AFAP1: variants seen among roughly 807,000 people sequenced by gnomAD.
AFAP1 encodes the protein actin filament associated protein 1.
AFAP1 carries 75 observed loss-of-function variants against 93.9 expected under a neutral mutation model. The ratio of observed to expected loss-of-function variants is 0.80; its 90% CI spans 0.66 to 0.97. The LOEUF is 0.97. AFAP1 is among the 50% of genes least tolerant of loss of function. The pLI is 0.00. For missense variants in AFAP1, 1,201 were observed against 1,050.8 expected (o/e 1.14, Z -1.98); for synonymous variants, 517 against 430.7 (o/e 1.20, Z -2.48).
intron 6 of AFAP1, among the ~76,000 whole-genome samples, chr4:7,833,589 C>CTT (rs33990733): frequency 0.42 from 55,197 of 131,642 alleles, 12,254 homozygotes; most frequent in African/African-American, 0.5. Flanking sequence ...GTGGAGATGT[C>CTT]TTTTTTTTTT....
At chr4:7,938,543 G>A (rs1577375542) in intron 1 of AFAP1, among the ~76,000 whole-genome samples, 1 of 152,106 alleles carries the variant, frequency 6.6e-6, no homozygotes, top group East Asian at 1.9e-4. Flanking sequence ...TGAGGTCGGA[G>A]TCTCCCCACC....
chr4:7,830,837 G>A (rs1166770849), intron 6 of AFAP1, among the ~76,000 whole-genome samples: 1 of 152,064 alleles, frequency 6.6e-6, no homozygotes, highest in Non-Finnish European at 1.5e-5. Flanking sequence ...TTGAACTCCT[G>A]GCCTCAAGTG....
intron 1 of AFAP1, among the ~76,000 whole-genome samples, chr4:7,888,688 G>A (rs1007478810): frequency 6.6e-6 from 1 of 152,166 alleles, no homozygotes; most frequent in African/African-American, 2.4e-5. Context: ...GAAAATTAAA[G>A]GGAAGGGCCA....
intron 16 of AFAP1, among the ~76,000 whole-genome samples, chr4:7,770,814 G>A (rs868400151): frequency 4.9e-4 from 74 of 152,144 alleles, no homozygotes; most frequent in Admixed American, 1.6e-3. Context: ...CACCCTCCAC[G>A]CAGGACAAAA....
chr4:7,825,680 G>A (rs1269297160), intron 6 of AFAP1, among the ~76,000 whole-genome samples: 1 of 151,926 alleles, frequency 6.6e-6, no homozygotes, highest in East Asian at 1.9e-4. Flanking sequence ...TCAGGAAGTT[G>A]CGATAATTAC....
chr4:7,823,586 C>A (rs545954325), intron 6 of AFAP1, among the ~76,000 whole-genome samples: 15 of 152,344 alleles, frequency 9.8e-5, no homozygotes, highest in Admixed American at 8.5e-4. Flanking sequence ...CTCCTGTTCC[C>A]ATCAGCTCCG....
chr4:7,842,943 C>A, intron 5 of AFAP1, 196 bp downstream of exon 5: 1 of 586,908 alleles, frequency 1.7e-6, no homozygotes, highest in Non-Finnish European at 3.0e-6. Context: ...CAACCTTGAA[C>A]ACACAACACG....
At chr4:7,840,400 C>T (rs1450023434) in intron 5 of AFAP1, among the ~76,000 whole-genome samples, 1 of 151,812 alleles carries the variant, frequency 6.6e-6, no homozygotes, top group African/African-American at 2.4e-5. Flanking sequence ...TGCAACCTCC[C>T]CCTCCTGGGT....
chr4:7,891,773 G>A (rs543873422), intron 1 of AFAP1, among the ~76,000 whole-genome samples: 72 of 149,158 alleles, frequency 4.8e-4, no homozygotes, highest in African/African-American at 1.7e-3. Context: ...AAAAGGCCGG[G>A]CGTGGTGGCT....
intron 11 of AFAP1, among the ~76,000 whole-genome samples, chr4:7,787,009 A>G (rs1391354995): frequency 6.6e-6 from 1 of 152,218 alleles, no homozygotes; most frequent in Non-Finnish European, 1.5e-5. Context: ...GCGGCCCGAG[A>G]AATCCTTTAG....
intron 1 of AFAP1, among the ~76,000 whole-genome samples, chr4:7,876,385 G>A (rs945207749): frequency 1.6e-4 from 24 of 152,200 alleles, no homozygotes; most frequent in South Asian, 2.1e-4. Flanking sequence ...TTAATTGGAC[G>A]GCCGGATTCC....
chr4:7,884,426 A>AG (rs1437686343), intron 1 of AFAP1, among the ~76,000 whole-genome samples: 1 of 152,228 alleles, frequency 6.6e-6, no homozygotes, highest in African/African-American at 2.4e-5. Context: ...GAGATGTCTA[A>AG]GAACAATGAA....
chr4:7,819,184 C>G lies in AFAP1; in HGVS notation c.727-13G>C. On this transcript the variant is annotated splice_polypyrimidine_tract_variant and intron_variant, in intron 6 of 17. Transcript: ENST00000420658. ...CTTCTTTGATCACCTATAAAAAGCA[C>G]AGACACTTTGTGAGTATGCCCAAAG... The G allele has an allele frequency of 6.2e-7, 1 of 1,602,590 alleles. No individual in the cohort carries two copies. The highest frequency in any genetic ancestry group is 8.5e-7 in the Non-Finnish European group (1 of 1,174,928).
At chr4:7,819,243 T>C (rs1231996767) in intron 6 of AFAP1, 72 bp from the exon 7 acceptor site, 4 of 1,371,716 alleles carry the variant, frequency 2.9e-6, no homozygotes, top group Non-Finnish European at 4.0e-6. Context: ...CTGTGAGTTG[T>C]ACAGACAGAG....
chr4:7,925,252 G>A (rs1024401392), intron 1 of AFAP1, among the ~76,000 whole-genome samples: 2 of 152,274 alleles, frequency 1.3e-5, no homozygotes, highest in Admixed American at 1.3e-4. Flanking sequence ...TTCCAAGCCT[G>A]GAGAGACCAT....
chr4:7,908,251 A>T lies in AFAP1; in HGVS notation c.-3+31405T>A, dbSNP rs114815153. Among the ~76,000 whole-genome samples, 1,038 of 152,184 alleles carry T rather than the reference A, an allele frequency of 6.8e-3. 8 individuals are homozygous for T. Among genetic ancestry groups the T allele is most frequent in the African/African-American group, 0.022 (927 of 41,520 alleles). On this transcript the variant is annotated intron_variant, in intron 1 of 17. Coordinates refer to ENST00000420658, the MANE Select transcript of AFAP1 (RefSeq NM_001134647.2). Reference sequence around the variant, plus strand: ...TAATTTAAATTGTGTTTTAACATGGAGCCCAAGTTCCCAGAACACAAGCCC... The same window carrying T: ...TAATTTAAATTGTGTTTTAACATGGTGCCCAAGTTCCCAGAACACAAGCCC...
chr4:7,783,744 G>A (rs753154258), intron 12 of AFAP1, among the ~76,000 whole-genome samples: 1 of 152,230 alleles, frequency 6.6e-6, no homozygotes, highest in Non-Finnish European at 1.5e-5. Context: ...CGGGCTGGGT[G>A]GAGCTGGATG....
chr4:7,888,487 G>A, intron 1 of AFAP1, among the ~76,000 whole-genome samples: 1 of 152,160 alleles, frequency 6.6e-6, no homozygotes. Context: ...ATAGCTTTAT[G>A]CCCACAAATT....
At chr4:7,903,337 A>G (rs1719220636) in intron 1 of AFAP1, among the ~76,000 whole-genome samples, 1 of 152,268 alleles carries the variant, frequency 6.6e-6, no homozygotes, top group Admixed American at 6.5e-5. Flanking sequence ...GAAACTGGAA[A>G]GAAGAATACC....
Sources: allele counts gnomAD v4.1 joint callset (sites outside exome capture counted in the v4.1 genomes callset), GRCh38; gene constraint gnomAD v4.1.1; transcripts MANE v1.5; gene names NCBI Gene and HGNC (gene_info 2026-07-23, HGNC 2026-07-21).